MAF: variants seen among roughly 807,000 people sequenced by gnomAD.
The protein encoded by MAF is MAF bZIP transcription factor.
Under a neutral mutation model 22.0 loss-of-function variants are expected in MAF, and 10 were observed. The observed-to-expected ratio is 0.45, with a 90% CI of 0.28 to 0.77. MAF has a LOEUF of 0.77. Ranked by LOEUF, MAF falls within the 30% of genes least tolerant of loss-of-function variation. The pLI is 0.12. For synonymous variants in MAF, 337 were observed against 255.8 expected, an observed-to-expected ratio of 1.32 and a Z score of -3.03; for missense variants, 544 against 548.4, an observed-to-expected ratio of 0.99 and a Z score of 0.08.
chr16:79,598,824 C>G lies in MAF; in HGVS notation c.1079G>C (p.Gly360Ala). ...KLVSSGFRENGSSSDNPSSPE... is the reference protein window; with the variant it reads ...KLVSSGFRENASSSDNPSSPE... ...AGAGGACGGGTTGTCGCTGCTCGAG[C>G]CGTTTTCTCGGAAGCCGCTGCTCAC... Residue 360 changes from glycine to alanine, a missense_variant, in exon 1 of 2, where the codon GGC (glycine) becomes GCC (alanine). Gly to Ala is a moderately conservative substitution (Grantham distance 60). This residue lies in a region of MAF where 129 missense variants were observed against 113.6 expected (regional missense o/e 1.14). Transcript: ENST00000326043. 1 of 1,613,866 alleles carries G rather than the reference C, an allele frequency of 6.2e-7. No individual in the cohort carries two copies. Among genetic ancestry groups the G allele is most frequent in the Non-Finnish European group, 8.5e-7 (1 of 1,179,996 alleles).
the MAF span, among the ~76,000 whole-genome samples, chr16:79,230,414 A>T: frequency 6.6e-6 from 1 of 152,132 alleles, no homozygotes; most frequent in Non-Finnish European, 1.5e-5. Context: ...ACTGGACCAG[A>T]CCTCAGATAA....
the MAF span, among the ~76,000 whole-genome samples, chr16:79,422,625 A>G: frequency 6.6e-6 from 1 of 152,148 alleles, no homozygotes; most frequent in Non-Finnish European, 1.5e-5. Context: ...CTTAGTGCTC[A>G]GTAGCTGCTA....
the MAF span, among the ~76,000 whole-genome samples, chr16:79,314,930 G>A: frequency 2.6e-5 from 4 of 152,154 alleles, no homozygotes; most frequent in Admixed American, 2.0e-4. Context: ...AAGTGACCTC[G>A]AAATGGCAAG....
At chr16:79,330,945 C>T in the MAF span, among the ~76,000 whole-genome samples, 1 of 152,046 alleles carries the variant, frequency 6.6e-6, no homozygotes, top group Non-Finnish European at 1.5e-5. Flanking sequence ...TATTGCAAAC[C>T]CCGGACATGA....
chr16:79,361,006 C>A, the MAF span, among the ~76,000 whole-genome samples: 6 of 152,166 alleles, frequency 3.9e-5, no homozygotes, highest in Admixed American at 1.3e-4. Flanking sequence ...GACTCCTTCA[C>A]CCCCCAGCAA....
chr16:79,349,830 G>A, the MAF span, among the ~76,000 whole-genome samples: 3 of 152,188 alleles, frequency 2.0e-5, no homozygotes, highest in Admixed American at 2.0e-4. Context: ...AAGGCCCTTT[G>A]CAATCTGCCT....
the MAF span, among the ~76,000 whole-genome samples, chr16:79,543,697 T>C: frequency 2.0e-5 from 3 of 149,044 alleles, no homozygotes; most frequent in Middle Eastern, 3.4e-3. Flanking sequence ...TTTCTTTTTT[T>C]TTTTTCTGAG....
At chr16:79,545,949 T>C in the MAF span, among the ~76,000 whole-genome samples, 2 of 152,184 alleles carry the variant, frequency 1.3e-5, no homozygotes, top group Non-Finnish European at 2.9e-5. Context: ...TTAATTTGCT[T>C]GATTTAATTA....
At chr16:79,458,602 T>G in the MAF span, among the ~76,000 whole-genome samples, 1 of 152,194 alleles carries the variant, frequency 6.6e-6, no homozygotes. Context: ...GTCTACTCTT[T>G]GTGCATTTCT....
At chr16:79,350,866 A>AGTGTGTGTGTGTGT in the MAF span, among the ~76,000 whole-genome samples, 2 of 148,406 alleles carry the variant, frequency 1.3e-5, no homozygotes, top group Admixed American at 6.7e-5. Context: ...AACAGTGAGA[A>AGTGTGTGTGTGTGT]GTGTGTGTGT....
the MAF span, among the ~76,000 whole-genome samples, chr16:79,213,571 G>A: frequency 6.6e-6 from 1 of 152,212 alleles, no homozygotes; most frequent in East Asian, 1.9e-4. Flanking sequence ...TTGCACTGGG[G>A]CTTGCCTTTC....
At chr16:79,375,581 G>A in the MAF span, among the ~76,000 whole-genome samples, 2 of 152,054 alleles carry the variant, frequency 1.3e-5, no homozygotes, top group Non-Finnish European at 2.9e-5. Context: ...AGATGATGAT[G>A]ATATATTAAT....
the MAF span, among the ~76,000 whole-genome samples, chr16:79,384,529 AGGTG>A: frequency 6.6e-6 from 1 of 151,492 alleles, no homozygotes; most frequent in Non-Finnish European, 1.5e-5. Flanking sequence ...AGGCCGAGGC[AGGTG>A]GATCACAAGG....
At chr16:79,223,859 G>A in the MAF span, among the ~76,000 whole-genome samples, 6 of 152,078 alleles carry the variant, frequency 3.9e-5, no homozygotes, top group Non-Finnish European at 8.8e-5. Flanking sequence ...GAAATTGAGG[G>A]AGTAATTAAT....
At chr16:79,254,028 GTTTT>G in the MAF span, among the ~76,000 whole-genome samples, 1 of 134,722 alleles carries the variant, frequency 7.4e-6, no homozygotes, top group African/African-American at 2.7e-5. Flanking sequence ...ATCTTTTTTT[GTTTT>G]TTTTTTTATA....
the MAF span, among the ~76,000 whole-genome samples, chr16:79,504,207 C>A: frequency 6.6e-6 from 1 of 152,160 alleles, no homozygotes; most frequent in Non-Finnish European, 1.5e-5. Flanking sequence ...ATATTTGAAA[C>A]CATTTTTAGA....
chr16:79,223,288 A>T, the MAF span, among the ~76,000 whole-genome samples: 2,858 of 152,256 alleles, frequency 0.019, 39 homozygotes, highest in Middle Eastern at 0.078. Flanking sequence ...CAAAATGAAG[A>T]CAGAAATAAA....
chr16:79,527,383 A>C, the MAF span, among the ~76,000 whole-genome samples: 2 of 152,244 alleles, frequency 1.3e-5, no homozygotes, highest in Non-Finnish European at 2.9e-5. Flanking sequence ...AAAATCATTC[A>C]GCTTCCTGGC....
chr16:79,456,935 T>TACACAC, the MAF span, among the ~76,000 whole-genome samples: 62 of 150,136 alleles, frequency 4.1e-4, 1 homozygote, highest in South Asian at 5.9e-3. Flanking sequence ...GCCATGTTTT[T>TACACAC]ACACACACAC....
Sources: allele counts gnomAD v4.1 joint callset (sites outside exome capture counted in the v4.1 genomes callset), GRCh38; gene constraint gnomAD v4.1.1; regional missense constraint gnomAD v4.1.1; transcripts MANE v1.5; gene names NCBI Gene and HGNC (gene_info 2026-07-23, HGNC 2026-07-21).